PCDH15: variants seen among roughly 807,000 people sequenced by gnomAD.
The protein encoded by PCDH15 is protocadherin-15.
A neutral mutation model predicts 178.5 loss-of-function variants in PCDH15; 129 were observed. The observed-to-expected ratio is 0.72, with a 90% CI of 0.63 to 0.84. The LOEUF (loss-of-function observed/expected upper bound fraction) is 0.84. Among genes scored for constraint, PCDH15 ranks in the 40% least tolerant of loss-of-function variants. PCDH15 has a pLI of 0.00. For missense variants in PCDH15, 2,230 were observed against 2,099.9 expected (o/e 1.06, Z -1.21); for synonymous variants, 800 against 732.0 (o/e 1.09, Z -1.50).
chr10:55,352,066 G>A (rs961030587), intron 2 of PCDH15, among the ~76,000 whole-genome samples: 3 of 152,004 alleles, frequency 2.0e-5, no homozygotes, highest in East Asian at 1.9e-4. Flanking sequence ...AGTGAAAATC[G>A]GAGCTGAAAA....
intron 2 of PCDH15, among the ~76,000 whole-genome samples, chr10:55,471,277 C>T (rs1193649537): frequency 1.3e-5 from 2 of 152,118 alleles, no homozygotes; most frequent in East Asian, 1.9e-4. Flanking sequence ...AAAAGTTGTG[C>T]TCTTTTAGTT....
intron 2 of PCDH15, among the ~76,000 whole-genome samples, chr10:54,961,860 T>C (rs1298566453): frequency 6.6e-6 from 1 of 152,106 alleles, no homozygotes; most frequent in Non-Finnish European, 1.5e-5. Flanking sequence ...TGTCTGCAGA[T>C]AGGAACTACT....
intron 1 of PCDH15, among the ~76,000 whole-genome samples, chr10:55,220,144 C>G (rs1368771172): frequency 6.6e-6 from 1 of 151,836 alleles, no homozygotes; most frequent in African/African-American, 2.4e-5. Context: ...CCTCTCAGTC[C>G]TAAGTATATT....
In PCDH15 at chr10:54,421,847, C is replaced by CTATATATA. The variant is rs372564880; in HGVS notation, c.158-42913_158-42906dup. Among the ~76,000 whole-genome samples, 14 of 93,502 alleles carry CTATATATA rather than the reference C, an allele frequency of 1.5e-4. 1 individual carries two copies. The highest frequency in any genetic ancestry group is 7.7e-4 in the African/African-American group (13 of 16,834). The allele number at this position is 93,502 out of a possible 152,430, so 61.3% of individuals were successfully genotyped here. A position where few individuals can be genotyped will look rare whatever the true frequency, so the allele number is the denominator to read the frequency against. ...ATATATATATATATATACACACACA[C>CTATATATA]TATATATATATATATACACACACTA... On this transcript the variant is annotated intron_variant, in intron 3 of 37. Transcript: ENST00000644397.
intron 4 of PCDH15, among the ~76,000 whole-genome samples, chr10:54,370,823 A>G (rs1947545724): frequency 6.6e-6 from 1 of 151,944 alleles, no homozygotes; most frequent in African/African-American, 2.4e-5. Flanking sequence ...CAGAAACTAT[A>G]TCTAAGCTGA....
chr10:54,767,066 G>C (rs1301051830), intron 1 of PCDH15, among the ~76,000 whole-genome samples: 2 of 152,044 alleles, frequency 1.3e-5, no homozygotes, highest in Non-Finnish European at 2.9e-5. Context: ...ACTTAGTAGG[G>C]TTGTTACTTA....
intron 1 of PCDH15, among the ~76,000 whole-genome samples, chr10:55,305,861 C>T (rs913157991): frequency 4.1e-4 from 62 of 152,150 alleles, no homozygotes; most frequent in African/African-American, 1.4e-3. Flanking sequence ...ATTTATCTAC[C>T]ATGCCTACCT....
In PCDH15 at chr10:55,123,879, C is replaced by T. The variant is rs180690620; in HGVS notation, c.-80+42697G>A. Among the ~76,000 whole-genome samples the T allele has an allele frequency of 9.9e-5, 15 of 152,220 alleles. No individual in the cohort carries two copies. The East Asian group carries it at 2.9e-3, about 29-fold the overall frequency. ...CCAGGCTTGTACCTAGATAAGACAT[C>T]CCCAAACATGGATTTCCCTTTGGCA... On this transcript the variant is annotated intron_variant, in intron 2 of 5. Coordinates refer to the PCDH15 transcript ENST00000458638.
Position 55,077,121 on chromosome 10 carries a change from A to C in PCDH15, c.-80+89455T>G, listed in dbSNP as rs575193683. Reference sequence around the variant, plus strand: ...CTACTCCTTTTTTTTTTTGGTTTTTATTTGAGTGGAATATCTTTTTCTGTC... The same window carrying C: ...CTACTCCTTTTTTTTTTTGGTTTTTCTTTGAGTGGAATATCTTTTTCTGTC... On this transcript the variant is annotated intron_variant, in intron 2 of 5. Coordinates refer to the PCDH15 transcript ENST00000458638. Among the ~76,000 whole-genome samples the C allele has an allele frequency of 4.1e-3, 603 of 145,888 alleles. 2 individuals carry two copies. The highest frequency in any genetic ancestry group is 0.014 in the Middle Eastern group (4 of 284).
intron 2 of PCDH15, among the ~76,000 whole-genome samples, chr10:55,480,725 C>CA (rs1840161369): frequency 6.6e-6 from 1 of 151,742 alleles, no homozygotes; most frequent in African/African-American, 2.4e-5. Flanking sequence ...CTGCTGGAGT[C>CA]AGTTTGCTAG....
chr10:55,015,789 C>G (rs1356915547), intron 2 of PCDH15, among the ~76,000 whole-genome samples: 1 of 152,038 alleles, frequency 6.6e-6, no homozygotes, highest in African/African-American at 2.4e-5. Flanking sequence ...GTTTTATGTC[C>G]CCTGAACCTA....
chr10:55,013,585 C>T (rs539766922), intron 2 of PCDH15, among the ~76,000 whole-genome samples: 2 of 152,240 alleles, frequency 1.3e-5, no homozygotes, highest in South Asian at 4.2e-4. Flanking sequence ...AATCTCAACT[C>T]AGTGATCCTA....
intron 2 of PCDH15, among the ~76,000 whole-genome samples, chr10:54,996,543 T>C (rs1005794505): frequency 1.3e-5 from 2 of 152,182 alleles, no homozygotes; most frequent in Admixed American, 1.3e-4. Flanking sequence ...TACAGCCCTT[T>C]GGGGTGCCTT....
chr10:53,871,644 T>C (rs2079865400), intron 26 of PCDH15, among the ~76,000 whole-genome samples: 1 of 152,136 alleles, frequency 6.6e-6, no homozygotes, highest in South Asian at 2.1e-4. Context: ...TTCAGACATA[T>C]TATCACACAA....
At position 54,466,983 on chromosome 10, in the gene PCDH15, C is replaced by T. The variant is rs150457256; in HGVS notation, c.157+60829G>A. Among the ~76,000 whole-genome samples, 243 of 151,768 alleles carry T rather than the reference C, an allele frequency of 1.6e-3. 2 individuals are homozygous for T. Among genetic ancestry groups the T allele is most frequent in the African/African-American group, 5.5e-3 (229 of 41,498 alleles). ...ATTCATTACTGGTATATATGAACAC[C>T]GATTTGTGTATGATTAATATTGTAT... is the stretch of plus-strand genomic sequence containing the variant. On this transcript the variant is annotated intron_variant, in intron 3 of 37. Coordinates refer to ENST00000644397, the MANE Select transcript of PCDH15 (RefSeq NM_001384140.1).
rs149779436 is a variant in PCDH15 at position 55,164,092 on chromosome 10, C to A, written c.-80+2484G>T. On this transcript the variant is annotated intron_variant, in intron 2 of 5. Transcript: ENST00000458638. ...TCCTGTTGTCAACGGTGAGGCCACA[C>A]GATGCAGTAGAGCCTACTATGGCTG... Among the ~76,000 whole-genome samples the A allele has an allele frequency of 7.2e-5, 11 of 152,216 alleles. No individual in the cohort carries two copies. The South Asian group carries it at 1.2e-3, about 17-fold the overall frequency.
chr10:54,294,170 G>A (rs2059599776), intron 8 of PCDH15, among the ~76,000 whole-genome samples: 1 of 152,136 alleles, frequency 6.6e-6, no homozygotes, highest in African/African-American at 2.4e-5. Flanking sequence ...TCTTTGCAGG[G>A]ACATGGATGA....
chr10:54,278,877 C>T (rs1355075476), intron 8 of PCDH15, among the ~76,000 whole-genome samples: 1 of 151,592 alleles, frequency 6.6e-6, no homozygotes, highest in African/African-American at 2.4e-5. Context: ...CAAATCTGCA[C>T]TTCAATTCTT....
At chr10:54,048,879 C>T (rs2446607) in intron 18 of PCDH15, among the ~76,000 whole-genome samples, 31,699 of 151,162 alleles carry the variant, frequency 0.21, 3,499 homozygotes, top group Non-Finnish European at 0.23. Context: ...AGTTTCAGAA[C>T]AGTTTTTTTT....
Sources: allele counts gnomAD v4.1 joint callset (sites outside exome capture counted in the v4.1 genomes callset), GRCh38; gene constraint gnomAD v4.1.1; transcripts MANE v1.5; gene names NCBI Gene and HGNC (gene_info 2026-07-23, HGNC 2026-07-21).